ZNF407: variants seen among roughly 807,000 people sequenced by gnomAD.
The protein encoded by ZNF407 is zinc finger protein 407.
In ZNF407, 17 loss-of-function variants were observed where a neutral mutation model predicts 131.2. That is an observed-to-expected ratio of 0.13 (90% CI 0.09 to 0.19). The LOEUF (loss-of-function observed/expected upper bound fraction) is 0.19, where lower values mean the gene tolerates loss of function less well. Ranked by LOEUF, ZNF407 falls within the 10% of genes least tolerant of loss-of-function variation. ZNF407 has a pLI of 1.00. For missense variants in ZNF407, 2,681 were observed against 2,830.6 expected (o/e 0.95, Z 1.20); for synonymous variants, 1,156 against 1,062.0 (o/e 1.09, Z -1.72).
chr18:74,711,722 A>AT (rs943636040), intron 3 of ZNF407, among the ~76,000 whole-genome samples: 3 of 152,010 alleles, frequency 2.0e-5, no homozygotes, highest in Non-Finnish European at 4.4e-5. Flanking sequence ...ATTTTATTTT[A>AT]TTTTTTGAGA....
intron 8 of ZNF407, among the ~76,000 whole-genome samples, chr18:75,041,064 C>T (rs1973366898): frequency 6.6e-6 from 1 of 152,204 alleles, no homozygotes; most frequent in Middle Eastern, 3.2e-3. Context: ...CTACGGGGCA[C>T]TTGGTGCAGT....
At chr18:74,802,346 A>G (rs1056015340) in intron 4 of ZNF407, among the ~76,000 whole-genome samples, 6 of 152,166 alleles carry the variant, frequency 3.9e-5, no homozygotes, top group Admixed American at 2.0e-4. Context: ...CTCTGTTAAC[A>G]ATGTTACATA....
chr18:75,034,464 C>A (rs186410138), intron 8 of ZNF407, among the ~76,000 whole-genome samples: 4,202 of 151,896 alleles, frequency 0.028, 82 homozygotes, highest in African/African-American at 0.048. Context: ...CCACCATGCC[C>A]GGCTAATTTT....
chr18:75,022,717 C>T (rs536956649), intron 8 of ZNF407, among the ~76,000 whole-genome samples: 1 of 152,246 alleles, frequency 6.6e-6, no homozygotes, highest in Admixed American at 6.5e-5. Flanking sequence ...GAGAGGAACA[C>T]TTACACTATT....
At chr18:74,815,586 A>G (rs1052306656) in intron 4 of ZNF407, among the ~76,000 whole-genome samples, 2 of 152,230 alleles carry the variant, frequency 1.3e-5, no homozygotes, top group Non-Finnish European at 2.9e-5. Flanking sequence ...AAATGTAACA[A>G]ACTTTCTTTT....
At chr18:75,012,316 T>TGTACACATAGTGTAC (rs1972985870) in intron 8 of ZNF407, among the ~76,000 whole-genome samples, 1 of 101,804 alleles carries the variant, frequency 9.8e-6, no homozygotes, top group African/African-American at 3.5e-5. Context: ...ACATAGTGTA[T>TGTACACATAGTGTAC]GTACACATAG....
chr18:74,891,321 C>A (rs1971382053), intron 7 of ZNF407, among the ~76,000 whole-genome samples: 1 of 152,214 alleles, frequency 6.6e-6, no homozygotes, highest in Non-Finnish European at 1.5e-5. Flanking sequence ...GCGCTCGACC[C>A]ACATGATGGC....
intron 8 of ZNF407, among the ~76,000 whole-genome samples, chr18:74,952,868 T>C (rs4891205): frequency 0.2 from 30,442 of 152,052 alleles, 3,710 homozygotes; most frequent in African/African-American, 0.32. Flanking sequence ...GAAAATGTGT[T>C]GGGAAGAGCA....
chr18:74,837,441 G>A (rs1970573714), intron 4 of ZNF407, among the ~76,000 whole-genome samples: 1 of 151,396 alleles, frequency 6.6e-6, no homozygotes, highest in African/African-American at 2.4e-5. Flanking sequence ...AAATAATAAT[G>A]CCTGTTAGTA....
intron 4 of ZNF407, among the ~76,000 whole-genome samples, chr18:74,793,312 G>A (rs1287146630): frequency 1.3e-5 from 2 of 152,204 alleles, no homozygotes; most frequent in Non-Finnish European, 2.9e-5. Context: ...TGTCTGGAGT[G>A]TAATATTTTT....
At chr18:74,698,730 A>G (rs1967420118) in intron 3 of ZNF407, among the ~76,000 whole-genome samples, 1 of 152,222 alleles carries the variant, frequency 6.6e-6, no homozygotes, top group Admixed American at 6.5e-5. Flanking sequence ...ATTGTAGCAT[A>G]GTATGGTGAG....
At chr18:74,793,770 GGAACA>G (rs1969868199) in intron 4 of ZNF407, among the ~76,000 whole-genome samples, 1 of 152,136 alleles carries the variant, frequency 6.6e-6, no homozygotes, top group African/African-American at 2.4e-5. Context: ...GGCAGAAGAG[GGAACA>G]TCAACTGACC....
intron 3 of ZNF407, among the ~76,000 whole-genome samples, chr18:74,670,966 C>G (rs929561759): frequency 1.3e-5 from 2 of 152,216 alleles, no homozygotes; most frequent in Admixed American, 6.5e-5. Context: ...GCTGTGAGCC[C>G]ATCTTGACCA....
intron 8 of ZNF407, among the ~76,000 whole-genome samples, chr18:75,036,023 A>G (rs1366449256): frequency 1.3e-5 from 2 of 152,258 alleles, no homozygotes; most frequent in African/African-American, 4.8e-5. Context: ...GCAGAAATAC[A>G]TGACTTCTGC....
At chr18:74,660,202 TAAC>T (rs756995259) in intron 3 of ZNF407, among the ~76,000 whole-genome samples, 2 of 152,106 alleles carry the variant, frequency 1.3e-5, no homozygotes, top group Admixed American at 1.3e-4. Flanking sequence ...ATTTGTTGCT[TAAC>T]AACCTCTAAG....
At chr18:75,023,960 A>G (rs1376413245) in intron 8 of ZNF407, among the ~76,000 whole-genome samples, 1 of 152,178 alleles carries the variant, frequency 6.6e-6, no homozygotes, top group Non-Finnish European at 1.5e-5. Flanking sequence ...TTCAGAACGC[A>G]CTGTGCTAAG....
At chr18:74,628,060 A>T (rs1002066318) in intron 1 of ZNF407, among the ~76,000 whole-genome samples, 8 of 151,962 alleles carry the variant, frequency 5.3e-5, no homozygotes, top group Admixed American at 4.6e-4. Context: ...AGGTTTCTAA[A>T]CTTATTTGAC....
intron 3 of ZNF407, among the ~76,000 whole-genome samples, chr18:74,711,601 A>G (rs191438829): frequency 5.3e-4 from 80 of 152,356 alleles, no homozygotes; most frequent in African/African-American, 1.8e-3. Context: ...GCTGGACTTC[A>G]GAACTGCAGG....
chr18:74,802,773 A>G (rs1010702126), intron 4 of ZNF407, among the ~76,000 whole-genome samples: 3 of 152,246 alleles, frequency 2.0e-5, no homozygotes, highest in African/African-American at 4.8e-5. Flanking sequence ...ATGCATATGC[A>G]TGTTTTATAG....
Sources: allele counts gnomAD v4.1 joint callset (sites outside exome capture counted in the v4.1 genomes callset), GRCh38; gene constraint gnomAD v4.1.1; transcripts MANE v1.5; gene names NCBI Gene and HGNC (gene_info 2026-07-23, HGNC 2026-07-21).